KCNIP3: variants seen among roughly 807,000 people sequenced by gnomAD.
The protein encoded by KCNIP3 is potassium voltage-gated channel interacting protein 3, also known as calsenilin.
KCNIP3 carries 28 observed loss-of-function variants against 35.0 expected under a neutral mutation model. That is an observed-to-expected ratio of 0.80 (90% CI 0.59 to 1.10). The LOEUF (loss-of-function observed/expected upper bound fraction) is 1.10, where lower values mean the gene tolerates loss of function less well. Among genes scored for constraint, KCNIP3 ranks in the 50% least tolerant of loss-of-function variants. KCNIP3 has a pLI of 0.00. For synonymous variants in KCNIP3, 134 were observed against 133.8 expected, an observed-to-expected ratio of 1.00 and a Z score of -0.01; for missense variants, 295 against 338.4, an observed-to-expected ratio of 0.87 and a Z score of 1.01.
rs1390210129 is a variant in KCNIP3 at position 95,376,790 on chromosome 2, T to A, written c.447+1582T>A. ...CCAGGGACGGAGGCACCAAATCTAG[T>A]CTGGAGAACACCGGGCCATCCTCAC... On this transcript the variant is annotated intron_variant, in intron 5 of 8. Coordinates refer to ENST00000295225, the MANE Select transcript of KCNIP3 (RefSeq NM_013434.5). This position sits in a 1 kb window ranked among gnomAD's most constrained non-coding sequence, Gnocchi z 4.2. Among the ~76,000 whole-genome samples the A allele has an allele frequency of 6.6e-6, 1 of 152,096 alleles. No individual in the cohort carries two copies. Among genetic ancestry groups the A allele is most frequent in the Non-Finnish European group, 1.5e-5 (1 of 68,014 alleles).
intron 2 of KCNIP3, among the ~76,000 whole-genome samples, chr2:95,351,549 G>C (rs1225865387): frequency 6.6e-6 from 1 of 152,230 alleles, no homozygotes; most frequent in African/African-American, 2.4e-5. Context: ...CTGGGGCGGG[G>C]TGCAGGTTTG....
chr2:95,325,702 C>T (rs567259229), intron 2 of KCNIP3, among the ~76,000 whole-genome samples: 1 of 151,408 alleles, frequency 6.6e-6, no homozygotes, highest in South Asian at 2.1e-4. Context: ...CACACTCATA[C>T]ATACACACAG....
intron 5 of KCNIP3, among the ~76,000 whole-genome samples, chr2:95,379,397 G>T (rs544886895): frequency 6.6e-6 from 1 of 152,182 alleles, no homozygotes. Flanking sequence ...ATCTGAACCT[G>T]TTGCCCGGCA....
At chr2:95,310,883 G>A (rs775426594) in intron 2 of KCNIP3, 7 of 319,966 alleles carry the variant, frequency 2.2e-5, no homozygotes, top group Non-Finnish European at 4.2e-5. Context: ...TCCTTTCTAA[G>A]CCTTCCGTGA....
chr2:95,348,506 T>C (rs1037682113), intron 2 of KCNIP3, among the ~76,000 whole-genome samples: 3 of 152,172 alleles, frequency 2.0e-5, no homozygotes, highest in African/African-American at 7.2e-5. Context: ...CCATTGCTCT[T>C]CCCTGATCCT....
chr2:95,366,084 C>T (rs1679910643), intron 2 of KCNIP3, among the ~76,000 whole-genome samples: 1 of 152,148 alleles, frequency 6.6e-6, no homozygotes, highest in Non-Finnish European at 1.5e-5. Context: ...AGGGCTCAAG[C>T]AGTCCTCCCA....
intron 2 of KCNIP3, among the ~76,000 whole-genome samples, chr2:95,349,775 C>G (rs1250888392): frequency 2.6e-5 from 4 of 152,230 alleles, no homozygotes; most frequent in Admixed American, 2.0e-4. Flanking sequence ...CCCTGGTGAC[C>G]TACGGGATAT....
chr2:95,314,905 C>A (rs1490017318), intron 2 of KCNIP3, among the ~76,000 whole-genome samples: 1 of 152,184 alleles, frequency 6.6e-6, no homozygotes, highest in African/African-American at 2.4e-5. Context: ...GGCAGCACAT[C>A]CAGCAGTGTC....
intron 2 of KCNIP3, among the ~76,000 whole-genome samples, chr2:95,364,046 T>C (rs76598623): frequency 6.6e-6 from 1 of 152,192 alleles, no homozygotes; most frequent in Non-Finnish European, 1.5e-5. Context: ...TGGCAGGACA[T>C]TGATTAGTGG....
intron 2 of KCNIP3, among the ~76,000 whole-genome samples, chr2:95,337,601 A>G (rs1679090274): frequency 6.6e-6 from 1 of 152,196 alleles, no homozygotes; most frequent in South Asian, 2.1e-4. Context: ...AAAGTGCTTT[A>G]TACATCTAAT....
At chr2:95,347,853 C>T (rs1380804411) in intron 2 of KCNIP3, among the ~76,000 whole-genome samples, 1 of 152,250 alleles carries the variant, frequency 6.6e-6, no homozygotes, top group Non-Finnish European at 1.5e-5. Flanking sequence ...AGGACATGGG[C>T]ATCCTGCCTG....
At chr2:95,329,500 G>C (rs1260830603) in intron 2 of KCNIP3, among the ~76,000 whole-genome samples, 2 of 152,238 alleles carry the variant, frequency 1.3e-5, no homozygotes, top group Non-Finnish European at 2.9e-5. Flanking sequence ...CATCCTACAG[G>C]GGGGTTAAGC....
intron 1 of KCNIP3, among the ~76,000 whole-genome samples, chr2:95,304,455 A>G (rs1678121397): frequency 6.6e-6 from 1 of 152,022 alleles, no homozygotes; most frequent in Admixed American, 6.5e-5. Flanking sequence ...GGAGCTGGAG[A>G]GTGTGCTGGC....
intron 2 of KCNIP3, among the ~76,000 whole-genome samples, chr2:95,345,555 G>A (rs565668047): frequency 6.6e-6 from 1 of 152,392 alleles, no homozygotes; most frequent in East Asian, 1.9e-4. Context: ...TGCTCAGGCC[G>A]TGAGTCCAAA....
intron 2 of KCNIP3, among the ~76,000 whole-genome samples, chr2:95,332,098 A>G (rs1441872444): frequency 6.6e-6 from 1 of 152,226 alleles, no homozygotes; most frequent in African/African-American, 2.4e-5. Flanking sequence ...TTAATACAGC[A>G]TCTCAGCATT....
intron 1 of KCNIP3, chr2:95,302,907 G>GA (rs1473933701): frequency 6.5e-6 from 1 of 152,800 alleles, no homozygotes; most frequent in African/African-American, 2.4e-5. Flanking sequence ...CATCCGTTAA[G>GA]TCTGTAGACA....
Position 95,374,844 on chromosome 2 carries a change from G to C in KCNIP3, c.307-4G>C. 1 of 1,613,498 alleles carries C rather than the reference G, an allele frequency of 6.2e-7. No individual in the cohort carries two copies. The highest frequency in any genetic ancestry group is 1.1e-5 in the South Asian group (1 of 91,090). On this transcript the variant is annotated splice_region_variant and splice_polypyrimidine_tract_variant and intron_variant, in intron 3 of 8. Coordinates refer to ENST00000295225, the MANE Select transcript of KCNIP3 (RefSeq NM_013434.5). ...AGGGCTGAGGGGGTGCCTTCCTGCT[G>C]CAGGAGTGTCCCACGGGCCTGGTGG...
In KCNIP3 at chr2:95,376,220, GAGGA is replaced by G. The variant is rs1680181924; in HGVS notation, c.447+1013_447+1016del. Among the ~76,000 whole-genome samples, 1 of 152,214 alleles carries G rather than the reference GAGGA, an allele frequency of 6.6e-6. No individual in the cohort carries two copies. The highest frequency in any genetic ancestry group is 2.1e-4 in the South Asian group (1 of 4,830). On this transcript the variant is annotated intron_variant, in intron 5 of 8. Transcript: ENST00000295225. This position sits in a 1 kb window ranked among gnomAD's most constrained non-coding sequence, Gnocchi z 4.2. ...CCGGTTAGCATGGAGGAGCCTCAGG[GAGGA>G]CTCAAGGTCCTTTCCCTGCCCCTCT...
intron 5 of KCNIP3, among the ~76,000 whole-genome samples, chr2:95,380,639 C>A (rs1389515685): frequency 6.6e-6 from 1 of 152,172 alleles, no homozygotes; most frequent in African/African-American, 2.4e-5. Flanking sequence ...TTTAAACAGC[C>A]ATATTCTGTC....
Sources: allele counts gnomAD v4.1 joint callset (sites outside exome capture counted in the v4.1 genomes callset), GRCh38; gene constraint gnomAD v4.1.1; non-coding constraint Gnocchi (gnomAD v3.1); transcripts MANE v1.5; gene names NCBI Gene and HGNC (gene_info 2026-07-23, HGNC 2026-07-21).